CD164: variants seen among roughly 807,000 people sequenced by gnomAD.
CD164 encodes CD164 molecule.
CD164 carries 11 observed loss-of-function variants against 24.6 expected under a neutral mutation model. That is an observed-to-expected ratio of 0.45 (90% CI 0.28 to 0.74). CD164 has a LOEUF of 0.74. Among genes scored for constraint, CD164 ranks in the 30% least tolerant of loss-of-function variants. CD164 has a pLI of 0.13. For synonymous variants in CD164, 126 were observed against 100.3 expected (o/e 1.26, Z -1.53); for missense variants, 295 against 243.7 (o/e 1.21, Z -1.40).
intron 4 of CD164, chr6:109,375,854 C>T (rs1227127570): frequency 4.0e-6 from 2 of 495,734 alleles, no homozygotes; most frequent in Admixed American, 8.3e-5. Context: ...TACACAGCCT[C>T]AGCAAATCTG....
At chr6:109,373,981 A>C (rs1254978978) in intron 4 of CD164, among the ~76,000 whole-genome samples, 2 of 152,192 alleles carry the variant, frequency 1.3e-5, no homozygotes, top group African/African-American at 2.4e-5. Context: ...TTTCAAGATG[A>C]GTTGTCCTTG....
chr6:109,376,057 C>T lies in CD164; in HGVS notation c.370+17G>A. ...AAATACTGAAGGAAAAGGAAGAAAA[C>T]AGTCATCTTGAATTACCTGTAGAAT... On this transcript the variant is annotated intron_variant, in intron 4 of 5. Coordinates refer to ENST00000310786, the MANE Select transcript of CD164 (RefSeq NM_006016.6). The T allele has an allele frequency of 6.4e-7, 1 of 1,554,358 alleles. No individual in the cohort carries two copies. The highest frequency in any genetic ancestry group is 1.2e-5 in the South Asian group (1 of 81,588).
At chr6:109,378,947 T>A (rs1771579340) in intron 2 of CD164, among the ~76,000 whole-genome samples, 1 of 151,952 alleles carries the variant, frequency 6.6e-6, no homozygotes, top group African/African-American at 2.4e-5. Context: ...CCACTTTACA[T>A]TAAAAAACAA....
At chr6:109,381,418 AC>A (rs1432941037) in intron 1 of CD164, 1 of 683,154 alleles carries the variant, frequency 1.5e-6, no homozygotes, top group Admixed American at 2.2e-5. Context: ...AATTTTAAAA[AC>A]AATTGAAAAA....
intron 4 of CD164, chr6:109,372,456 T>C (rs1227488649): frequency 1.3e-5 from 2 of 152,178 alleles, no homozygotes; most frequent in East Asian, 1.9e-4. Context: ...TTAATATTGA[T>C]ACTACTTAGA....
rs562978507 is a variant in CD164, at chr6:109,378,045, G to C, written c.260-74C>G. On this transcript the variant is annotated intron_variant, in intron 2 of 5. Transcript: ENST00000310786. ...GTATTATCTTTGACTCTGCTACTAA[G>C]CTCTATGAAATCAAACCCAAACACT... The C allele has an allele frequency of 4.7e-6, 6 of 1,270,376 alleles. No homozygotes were observed. The East Asian group carries it at 1.4e-4, about 29-fold the overall frequency. 78.7% of individuals were successfully genotyped at this position (1,270,376 alleles called of 1,614,324 possible). A position where few individuals can be genotyped will look rare whatever the true frequency, so the allele number is the denominator to read the frequency against.
chr6:109,368,214 C>T lies in CD164; in HGVS notation c.*637G>A. ...CTTCTAAGGCACTGTTCTTTATATT[C>T]TCAATGACATAAGATGCTTTACAAG... On this transcript the variant is annotated 3_prime_UTR_variant, in exon 6 of 6. Coordinates refer to ENST00000310786, the MANE Select transcript of CD164 (RefSeq NM_006016.6). The T allele has an allele frequency of 1.4e-6, 2 of 1,418,062 alleles. No homozygotes were observed. Among genetic ancestry groups the T allele is most frequent in the Non-Finnish European group, 1.9e-6 (2 of 1,049,600 alleles). 87.8% of individuals were successfully genotyped at this position (1,418,062 alleles called of 1,614,324 possible). A position where few individuals can be genotyped will look rare whatever the true frequency, so the allele number is the denominator to read the frequency against.
At chr6:109,376,548 C>T (rs1771420283) in intron 3 of CD164, among the ~76,000 whole-genome samples, 1 of 152,182 alleles carries the variant, frequency 6.6e-6, no homozygotes, top group South Asian at 2.1e-4. Flanking sequence ...AAGCCTCAGT[C>T]CCTAATGGTT....
chr6:109,381,468 CGTCTCTGCATCTACCTCCTAGG>C (rs1245587370), intron 1 of CD164: 1 of 700,860 alleles, frequency 1.4e-6, no homozygotes, highest in South Asian at 1.5e-5. Context: ...TACTCATCTC[CGTCTCTGCATCTACCTCCTAGG>C]TTTCACTACC....
intron 4 of CD164, among the ~76,000 whole-genome samples, chr6:109,375,617 CAA>C (rs58138405): frequency 2.1e-4 from 15 of 71,360 alleles, no homozygotes; most frequent in Non-Finnish European, 4.6e-4. Context: ...ACTTCGCTTC[CAA>C]AAAAAAAAAA....
chr6:109,381,845 A>C, intron 1 of CD164: 1 of 518,756 alleles, frequency 1.9e-6, no homozygotes, highest in Non-Finnish European at 3.4e-6. Flanking sequence ...GCCCGGCCCC[A>C]TCCTCAACCC....
At chr6:109,374,514 T>A (rs1771285734) in intron 4 of CD164, among the ~76,000 whole-genome samples, 1 of 152,204 alleles carries the variant, frequency 6.6e-6, no homozygotes, top group Non-Finnish European at 1.5e-5. Context: ...ACAGGCTATC[T>A]AATCTCCTGA....
At position 109,367,358 on chromosome 6, in the gene CD164, C is replaced by A. The variant is rs952114066; in HGVS notation, c.*1493G>T. On this transcript the variant is annotated 3_prime_UTR_variant, in exon 6 of 6. Transcript: ENST00000310786. ...AAACAAAGCAGTTTGTCATTTCTTA[C>A]TATAAAATATTGAAAATCAAGTGCG... The A allele has an allele frequency of 6.6e-6, 1 of 152,458 alleles. No homozygotes were observed. Among genetic ancestry groups the A allele is most frequent in the Non-Finnish European group, 1.5e-5 (1 of 67,992 alleles). The allele number at this position is 152,458 out of a possible 1,614,324, so 9.4% of individuals were successfully genotyped here.
intron 1 of CD164, chr6:109,381,591 A>C (rs1327945978): frequency 5.7e-6 from 4 of 702,436 alleles, no homozygotes; most frequent in African/African-American, 3.5e-5. Context: ...TGAAGTGTGA[A>C]GTTTTCACTA....
intron 4 of CD164, chr6:109,371,927 A>T (rs761042258): frequency 6.6e-6 from 1 of 152,250 alleles, no homozygotes; most frequent in Non-Finnish European, 1.5e-5. Context: ...TATGAGATTT[A>T]TATTTTTATA....
At position 109,368,079 on chromosome 6, in the gene CD164, A is replaced by G. The variant is rs1165756099; in HGVS notation, c.*772T>C. On this transcript the variant is annotated 3_prime_UTR_variant, in exon 6 of 6. Transcript: ENST00000310786. ...TAAAATATTAACAGTATGATATCTA[A>G]AACAGGTTTACTACTGCTCACATCA... The G allele has an allele frequency of 4.8e-6, 2 of 412,390 alleles. No homozygotes were observed. Among genetic ancestry groups the G allele is most frequent in the Non-Finnish European group, 8.6e-6 (2 of 233,450 alleles). 25.5% of individuals were successfully genotyped at this position (412,390 alleles called of 1,614,324 possible). A position where few individuals can be genotyped will look rare whatever the true frequency, so the allele number is the denominator to read the frequency against.
At chr6:109,370,371 C>T (rs766612188) in intron 5 of CD164, 40 bp downstream of exon 5, 1 of 1,489,194 alleles carries the variant, frequency 6.7e-7, no homozygotes, top group Middle Eastern at 1.7e-4. Flanking sequence ...ACATCGTGCA[C>T]ACATCCTGCA....
intron 5 of CD164, among the ~76,000 whole-genome samples, chr6:109,369,582 G>A (rs1269961283): frequency 6.6e-6 from 1 of 152,128 alleles, no homozygotes; most frequent in Non-Finnish European, 1.5e-5. Context: ...ATTCTTTTCA[G>A]GCAGTAAAAT....
Position 109,376,063 on chromosome 6 carries a change from T to C in CD164, c.370+11A>G, listed in dbSNP as rs749767704. 1.9e-6 allele frequency: 3 copies of C among 1,563,618 alleles called. No individual in the cohort carries two copies. Among genetic ancestry groups the C allele is most frequent in the East Asian group, 2.3e-5 (1 of 43,116 alleles). ...TGAAGGAAAAGGAAGAAAACAGTCA[T>C]CTTGAATTACCTGTAGAATTGGCTG... On this transcript the variant is annotated intron_variant, in intron 4 of 5. Coordinates refer to ENST00000310786, the MANE Select transcript of CD164 (RefSeq NM_006016.6).
Sources: gnomAD v4.1 joint callset for allele counts (sites outside exome capture counted in the v4.1 genomes callset) on GRCh38, gnomAD v4.1.1 for gene constraint, MANE v1.5 for transcripts, NCBI Gene and HGNC (gene_info 2026-07-23, HGNC 2026-07-21) for gene names.